The following EYS variants were observed in gnomAD, a reference collection of about 807,000 sequenced individuals.
The protein encoded by EYS is protein eyes shut homolog.
EYS carries 250 observed loss-of-function variants against 282.1 expected under a neutral mutation model. That is an observed-to-expected ratio of 0.89 (90% CI 0.80 to 0.98). The LOEUF is 0.98. Among genes scored for constraint, EYS ranks in the 50% least tolerant of loss-of-function variants. EYS has a pLI of 0.00. For synonymous variants in EYS, 1,355 were observed against 1,282.9 expected, an observed-to-expected ratio of 1.06 and a Z score of -1.20; for missense variants, 4,016 against 3,709.0, an observed-to-expected ratio of 1.08 and a Z score of -2.15.
chr6:65,646,570 C>T (rs1414102583), intron 1 of EYS, among the ~76,000 whole-genome samples: 1 of 152,178 alleles, frequency 6.6e-6, no homozygotes, highest in Non-Finnish European at 1.5e-5. Flanking sequence ...CAACATTATA[C>T]TGCATGGGAA....
intron 31 of EYS, among the ~76,000 whole-genome samples, chr6:64,130,818 A>G (rs570086628): frequency 6.6e-6 from 1 of 152,254 alleles, no homozygotes; most frequent in South Asian, 2.1e-4. Flanking sequence ...TGTGGGAACC[A>G]AACAAGCTAT....
At chr6:64,598,354 G>A (rs1162384) in intron 24 of EYS, among the ~76,000 whole-genome samples, 18,639 of 152,122 alleles carry the variant, frequency 0.12, 1,184 homozygotes, top group East Asian at 0.16. Flanking sequence ...CCAGCTACTC[G>A]GGAGGCTGAG....
chr6:64,767,010 T>G (rs1433779534), intron 22 of EYS, among the ~76,000 whole-genome samples: 1 of 151,950 alleles, frequency 6.6e-6, no homozygotes, highest in Non-Finnish European at 1.5e-5. Context: ...GTTTGAAATT[T>G]TATATGTGAT....
chr6:64,458,583 C>CT (rs1394058014), intron 26 of EYS, among the ~76,000 whole-genome samples: 2 of 138,456 alleles, frequency 1.4e-5, no homozygotes, highest in Non-Finnish European at 3.2e-5. Flanking sequence ...TTATTTGCTT[C>CT]TTTTCTTTGA....
At chr6:65,187,749 C>T (rs899091352) in intron 12 of EYS, among the ~76,000 whole-genome samples, 14 of 151,628 alleles carry the variant, frequency 9.2e-5, no homozygotes, top group South Asian at 2.1e-4. Flanking sequence ...ATTGAGAAAG[C>T]GTTTCATTCA....
At chr6:65,225,918 C>G (rs1766613093) in intron 12 of EYS, among the ~76,000 whole-genome samples, 1 of 151,738 alleles carries the variant, frequency 6.6e-6, no homozygotes, top group African/African-American at 2.4e-5. Context: ...TTGTGAAAAC[C>G]CACAAATATA....
chr6:64,227,918 TTATCCA>T (rs1158319643), intron 31 of EYS, among the ~76,000 whole-genome samples: 5 of 152,100 alleles, frequency 3.3e-5, no homozygotes, highest in Non-Finnish European at 1.5e-5. Context: ...TAGGGACTGT[TTATCCA>T]AAGCAAGGTT....
chr6:64,409,936 G>A (rs1773831985), intron 28 of EYS, among the ~76,000 whole-genome samples: 3 of 152,068 alleles, frequency 2.0e-5, no homozygotes, highest in African/African-American at 4.8e-5. Context: ...TTATTTAGGG[G>A]TAAGTTTATA....
chr6:65,199,747 C>A (rs1319649618), intron 12 of EYS, among the ~76,000 whole-genome samples: 1 of 151,912 alleles, frequency 6.6e-6, no homozygotes, highest in African/African-American at 2.4e-5. Flanking sequence ...GAGTGGTAAG[C>A]TGAATAGCAG....
chr6:64,771,634 C>T (rs9452788), intron 22 of EYS, among the ~76,000 whole-genome samples: 46,028 of 151,500 alleles, frequency 0.3, 8,770 homozygotes, highest in African/African-American at 0.53. Flanking sequence ...TTTGATTTCA[C>T]TTTCATCTTA....
At chr6:65,334,456 G>C (rs1378238558) in intron 11 of EYS, among the ~76,000 whole-genome samples, 1 of 151,560 alleles carries the variant, frequency 6.6e-6, no homozygotes, top group Non-Finnish European at 1.5e-5. Flanking sequence ...TTTTTGTAGA[G>C]ACAAATTATC....
intron 29 of EYS, among the ~76,000 whole-genome samples, chr6:64,386,737 A>AT (rs570842092): frequency 1.3e-5 from 2 of 152,138 alleles, no homozygotes; most frequent in Admixed American, 6.5e-5. Flanking sequence ...TTTTCTATAT[A>AT]TTTTTTGCCA....
intron 41 of EYS, among the ~76,000 whole-genome samples, chr6:63,736,945 G>C (rs2149638661): frequency 1.3e-5 from 2 of 152,310 alleles, no homozygotes; most frequent in South Asian, 4.1e-4. Flanking sequence ...TTTGTATCCT[G>C]AGACTTTGCT....
intron 8 of EYS, among the ~76,000 whole-genome samples, chr6:65,356,246 CCTGT>C (rs751498928): frequency 6.6e-6 from 1 of 151,984 alleles, no homozygotes; most frequent in Non-Finnish European, 1.5e-5. Context: ...CGAATTAAGT[CCTGT>C]CTAAGGTATT....
chr6:64,839,043 T>C (rs1765479965), intron 19 of EYS, among the ~76,000 whole-genome samples: 1 of 152,014 alleles, frequency 6.6e-6, no homozygotes. Context: ...TCTTACCAAT[T>C]ATATATTTTA....
At chr6:64,330,708 TTAA>T (rs1431725662) in intron 29 of EYS, among the ~76,000 whole-genome samples, 3 of 152,060 alleles carry the variant, frequency 2.0e-5, no homozygotes, top group African/African-American at 7.2e-5. Context: ...TGGACAAAGG[TTAA>T]TAATTTGCGT....
At chr6:64,787,060 G>A (rs6911837) in intron 22 of EYS, among the ~76,000 whole-genome samples, 97,558 of 151,986 alleles carry the variant, frequency 0.64, 32,067 homozygotes, top group East Asian at 0.75. Flanking sequence ...TATTTCCCTC[G>A]CGCTTTTCAA....
chr6:64,962,839 T>C (rs1406036041), intron 14 of EYS, among the ~76,000 whole-genome samples: 1 of 152,108 alleles, frequency 6.6e-6, no homozygotes, highest in African/African-American at 2.4e-5. Context: ...TATATCTTAA[T>C]TAAAAAATGA....
chr6:64,313,355 C>T (rs141561919), intron 29 of EYS, among the ~76,000 whole-genome samples: 2,269 of 108,834 alleles, frequency 0.021, 16 homozygotes, highest in East Asian at 0.042. Flanking sequence ...AAGAAATGAA[C>T]AAAGTCTCCA....
Sources: allele counts gnomAD v4.1 joint callset (sites outside exome capture counted in the v4.1 genomes callset), GRCh38; gene constraint gnomAD v4.1.1; transcripts MANE v1.5; gene names NCBI Gene and HGNC (gene_info 2026-07-23, HGNC 2026-07-21).